TERB2: variants seen among roughly 807,000 people sequenced by gnomAD.
TERB2 encodes the protein telomere repeat binding bouquet formation protein 2, also known as telomere repeats-binding bouquet formation protein 2.
A neutral mutation model predicts 29.8 loss-of-function variants in TERB2; 26 were observed. The ratio of observed to expected loss-of-function variants is 0.87; its 90% CI spans 0.64 to 1.21. The LOEUF is 1.21. TERB2 is among the 50% of genes most tolerant of loss of function. The probability of loss-of-function intolerance (pLI) is 0.00; values close to 1 mark genes in which losing one functional copy is unlikely to be tolerated. For missense variants in TERB2, 240 were observed against 268.6 expected (o/e 0.89, Z 0.74); for synonymous variants, 80 against 90.8 (o/e 0.88, Z 0.68).
rs1012468056 is a variant in TERB2 at position 44,956,882 on chromosome 15, T to C, written c.65-14T>C. 2.5e-6 allele frequency: 4 copies of C among 1,613,892 alleles called. No individual in the cohort carries two copies. The highest frequency in any genetic ancestry group is 3.4e-6 in the Non-Finnish European group (4 of 1,179,824). ...GGTGCTTGATAGGTTCACCCTGTGCTCTTACCTCCACAGTGGCTGAAGGGG... is the reference window on the plus strand; with the variant it reads ...GGTGCTTGATAGGTTCACCCTGTGCCCTTACCTCCACAGTGGCTGAAGGGG... On this transcript the variant is annotated splice_polypyrimidine_tract_variant and intron_variant, in intron 1 of 6. Coordinates refer to ENST00000340827, the MANE Select transcript of TERB2 (RefSeq NM_152448.3).
chr15:44,962,380 A>T (rs374184017), intron 4 of TERB2, among the ~76,000 whole-genome samples: 6 of 149,758 alleles, frequency 4.0e-5, no homozygotes, highest in African/African-American at 1.5e-4. Flanking sequence ...TAGTAGAGAC[A>T]GGGTTTCACC....
At position 44,956,786 on chromosome 15, in the gene TERB2, G is replaced by C. The variant is rs781585236; in HGVS notation, c.64+4G>C. The C allele has an allele frequency of 9.3e-6, 15 of 1,613,858 alleles. No individual in the cohort carries two copies. The highest frequency in any genetic ancestry group is 1.1e-5 in the Non-Finnish European group (13 of 1,179,928). ...CAGGATCTGAGGCAATTCTGGGGTA[G>C]GAAGCTGAGTGGAAGCAGCGGGTTA... On this transcript the variant is annotated splice_donor_region_variant and intron_variant, in intron 1 of 6. Transcript: ENST00000340827.
chr15:44,976,898 T>A (rs1313055799), intron 6 of TERB2, among the ~76,000 whole-genome samples: 1 of 152,196 alleles, frequency 6.6e-6, no homozygotes, highest in Non-Finnish European at 1.5e-5. Context: ...CAAGTCATTC[T>A]CATTTAGGTG....
At chr15:44,967,606 C>T (rs1595477381) in intron 5 of TERB2, among the ~76,000 whole-genome samples, 2 of 151,948 alleles carry the variant, frequency 1.3e-5, no homozygotes, top group East Asian at 3.9e-4. Context: ...AACCTAGATA[C>T]CTTTATCAGT....
Position 44,979,207 on chromosome 15 carries a change from T to C in TERB2, c.*579T>C, listed in dbSNP as rs1892090445. The C allele has an allele frequency of 6.6e-6, 1 of 152,220 alleles. No individual in the cohort carries two copies. Among genetic ancestry groups the C allele is most frequent in the Non-Finnish European group, 1.5e-5 (1 of 68,056 alleles). 9.4% of individuals were successfully genotyped at this position (152,220 alleles called of 1,614,324 possible). On this transcript the variant is annotated 3_prime_UTR_variant, in exon 7 of 7. Transcript: ENST00000340827. ...GTTGGATGGTTTCTAATAATAAATA[T>C]CTCAAAAGTGACTTAACATAAACAG...
At chr15:44,965,523 AATTATAT>A (rs1428623046) in intron 4 of TERB2, among the ~76,000 whole-genome samples, 2 of 144,216 alleles carry the variant, frequency 1.4e-5, no homozygotes, top group Non-Finnish European at 3.0e-5. Flanking sequence ...AGATATATAT[AATTATAT>A]ATTATACATT....
intron 5 of TERB2, among the ~76,000 whole-genome samples, chr15:44,968,939 A>G (rs976227727): frequency 2.0e-5 from 3 of 150,688 alleles, no homozygotes; most frequent in Admixed American, 2.0e-4. Flanking sequence ...TGTGTGTGTG[A>G]GAGAGAGAGA....
At position 44,962,274 on chromosome 15, in the gene TERB2, C is replaced by T. The variant is rs940182876; in HGVS notation, c.348+690C>T. Among the ~76,000 whole-genome samples the T allele has an allele frequency of 1.0e-4, 15 of 149,844 alleles. No individual in the cohort carries two copies. The East Asian group carries it at 2.8e-3, about 28-fold the overall frequency. On this transcript the variant is annotated intron_variant, in intron 4 of 6. Coordinates refer to ENST00000340827, the MANE Select transcript of TERB2 (RefSeq NM_152448.3). Reference sequence around the variant, plus strand: ...TCGGCTCACTGCAAGCTCCGCCTCCCGGGTTCACGCCATTCTCCTGCCTCA... The same window carrying T: ...TCGGCTCACTGCAAGCTCCGCCTCCTGGGTTCACGCCATTCTCCTGCCTCA...
intron 5 of TERB2, among the ~76,000 whole-genome samples, chr15:44,968,866 G>A (rs1027158156): frequency 2.0e-5 from 3 of 151,890 alleles, no homozygotes; most frequent in Non-Finnish European, 2.9e-5. Context: ...TATCGGATGT[G>A]GAAATTATGG....
At chr15:44,976,382 G>C (rs1322054141) in intron 6 of TERB2, among the ~76,000 whole-genome samples, 2 of 152,124 alleles carry the variant, frequency 1.3e-5, no homozygotes, top group African/African-American at 4.8e-5. Context: ...GGCAGGTGTT[G>C]GGTCCTTGCT....
chr15:44,964,520 T>C (rs1294747569), intron 4 of TERB2, among the ~76,000 whole-genome samples: 1 of 152,130 alleles, frequency 6.6e-6, no homozygotes, highest in Non-Finnish European at 1.5e-5. Flanking sequence ...TCATTTAGCT[T>C]TATACATGAG....
intron 4 of TERB2, 99 bp from the exon 5 acceptor site, chr15:44,966,059 G>T (rs996421841): frequency 2.7e-5 from 16 of 585,176 alleles, no homozygotes; most frequent in East Asian, 7.2e-5. Flanking sequence ...TGGCTTTTGA[G>T]ATATATATTT....
intron 3 of TERB2, among the ~76,000 whole-genome samples, chr15:44,960,980 G>A (rs1291192758): frequency 1.3e-5 from 2 of 151,298 alleles, no homozygotes; most frequent in Non-Finnish European, 2.9e-5. Context: ...ATAGACATTA[G>A]ATATACATCT....
At chr15:44,968,657 C>T (rs759168660) in intron 5 of TERB2, among the ~76,000 whole-genome samples, 3 of 133,996 alleles carry the variant, frequency 2.2e-5, no homozygotes, top group East Asian at 2.2e-4. Flanking sequence ...TGCAGTGGCA[C>T]GATTTCAGTT....
intron 5 of TERB2, among the ~76,000 whole-genome samples, chr15:44,966,545 T>A (rs1350317272): frequency 6.6e-6 from 1 of 152,194 alleles, no homozygotes; most frequent in Non-Finnish European, 1.5e-5. Flanking sequence ...TATCTCATAG[T>A]ATAGCACACT....
chr15:44,978,514 G>A lies in TERB2; in HGVS notation c.549G>A (p.Lys183=), dbSNP rs1384942007. The A allele has an allele frequency of 1.9e-6, 3 of 1,604,618 alleles. No individual in the cohort carries two copies. The highest frequency in any genetic ancestry group is 3.4e-5 in the Admixed American group (2 of 59,240). ...GTTATATATCAATTGATGCCATGAAGAAATTCCTTGGGGAGCTACATGACT... is the reference window on the plus strand; with the variant it reads ...GTTATATATCAATTGATGCCATGAAAAAATTCCTTGGGGAGCTACATGACT... ...VTGYISIDAM[K]KFLGELHDFI... The change falls in exon 7 of 7, where the codon AAG becomes AAA. Residue 183 remains lysine (K), a synonymous_variant. Transcript: ENST00000340827.
chr15:44,958,913 G>C (rs1891762015), intron 3 of TERB2, among the ~76,000 whole-genome samples: 1 of 152,158 alleles, frequency 6.6e-6, no homozygotes, highest in African/African-American at 2.4e-5. Flanking sequence ...GTGCGGTAGG[G>C]CGTGCCTGTA....
chr15:44,969,132 T>C (rs2141243137), intron 5 of TERB2, among the ~76,000 whole-genome samples: 1 of 152,166 alleles, frequency 6.6e-6, no homozygotes, highest in South Asian at 2.1e-4. Context: ...TCTCGCTCTG[T>C]CACCCAGGCT....
chr15:44,978,438 T>A, intron 6 of TERB2, 51 bp from the exon 7 acceptor site: 1 of 1,478,492 alleles, frequency 6.8e-7, no homozygotes, highest in Non-Finnish European at 9.0e-7. Context: ...GAAAAGCAAA[T>A]AGTATGAGCG....
Sources: allele counts gnomAD v4.1 joint callset (sites outside exome capture counted in the v4.1 genomes callset), GRCh38; gene constraint gnomAD v4.1.1; transcripts MANE v1.5; gene names NCBI Gene and HGNC (gene_info 2026-07-23, HGNC 2026-07-21).